NPLOC4: variants seen among roughly 807,000 people sequenced by gnomAD.
NPLOC4 encodes the protein nuclear protein localization protein 4 homolog.
NPLOC4 carries 18 observed loss-of-function variants against 80.6 expected under a neutral mutation model. That is an observed-to-expected ratio of 0.22 (90% CI 0.15 to 0.33). The LOEUF is 0.33. Among genes scored for constraint, NPLOC4 ranks in the 10% least tolerant of loss-of-function variants. The pLI, the probability that NPLOC4 is intolerant of heterozygous loss-of-function variation, is 1.00. For missense variants in NPLOC4, 540 were observed against 786.1 expected, an observed-to-expected ratio of 0.69 and a Z score of 3.74; for synonymous variants, 313 against 301.5, an observed-to-expected ratio of 1.04 and a Z score of -0.39.
chr17:81,617,869 C>T (rs1425835994), intron 3 of NPLOC4, among the ~76,000 whole-genome samples: 3 of 152,166 alleles, frequency 2.0e-5, no homozygotes, highest in South Asian at 2.1e-4. Context: ...CTGTGTTGGC[C>T]GGGCTGGTCT....
rs1047602298 is a variant in NPLOC4, at chr17:81,559,144, T to C, written c.*115A>G. On this transcript the variant is annotated 3_prime_UTR_variant, in exon 17 of 17. Coordinates refer to ENST00000331134, the MANE Select transcript of NPLOC4 (RefSeq NM_017921.4). Reference sequence around the variant, plus strand: ...CAGGGAGCCCAGGACAGCCAGCCCCTTGTTCCTCCAGGGCTGCCCACTATG... The same window carrying C: ...CAGGGAGCCCAGGACAGCCAGCCCCCTGTTCCTCCAGGGCTGCCCACTATG... 2.1e-5 allele frequency: 26 copies of C among 1,222,218 alleles called. No individual in the cohort carries two copies. The highest frequency in any genetic ancestry group is 4.6e-5 in the African/African-American group (3 of 65,488). 75.7% of individuals were successfully genotyped at this position (1,222,218 alleles called of 1,614,324 possible). A position where few individuals can be genotyped will look rare whatever the true frequency, so the allele number is the denominator to read the frequency against.
chr17:81,581,375 A>AAAAAGTC lies in NPLOC4; in HGVS notation c.1281+7568_1281+7569insGACTTTT, dbSNP rs1555680405. 5.3e-3 allele frequency among the ~76,000 whole-genome samples: 384 copies of AAAAAGTC among 72,852 alleles called. 112 individuals are homozygous for AAAAAGTC. The highest frequency in any genetic ancestry group is 0.011 in the South Asian group (27 of 2,400). The allele number at this position is 72,852 out of a possible 152,430, so 47.8% of individuals were successfully genotyped here. ...AAAAAAAAAAAAAAAAAAAAAAAAA[A>AAAAAGTC]AGTTAATAAAATCACCATGTCACAA... On this transcript the variant is annotated intron_variant, in intron 12 of 16. Coordinates refer to ENST00000331134, the MANE Select transcript of NPLOC4 (RefSeq NM_017921.4).
intron 2 of NPLOC4, among the ~76,000 whole-genome samples, chr17:81,628,670 TG>T (rs1007955982): frequency 6.2e-4 from 95 of 152,236 alleles, no homozygotes; most frequent in African/African-American, 2.2e-3. Context: ...AGAAATAGTC[TG>T]GGGGAATCCA....
rs1173962484 is a variant in NPLOC4 at position 81,613,446 on chromosome 17, T to C, written c.258A>G (p.Ser86=). 1.2e-6 allele frequency: 2 copies of C among 1,613,952 alleles called. No homozygotes were observed. Among genetic ancestry groups the C allele is most frequent in the Non-Finnish European group, 1.7e-6 (2 of 1,179,888 alleles). The change falls in exon 4 of 17, where the codon TCA becomes TCG. Residue 86 remains serine, a synonymous_variant. Coordinates refer to ENST00000331134, the MANE Select transcript of NPLOC4 (RefSeq NM_017921.4). ...FLFPSSLAGP[S]SEMETSVPPG... is the part of the protein sequence containing the mutation. The stretch of plus-strand genomic sequence containing the variant: ...GTGGAACTGACGTCTCCATTTCAGA[T>C]GAGGGCCCAGCAAGGCTCGAGGGAA...
chr17:81,615,981 C>T (rs915951401), intron 3 of NPLOC4, among the ~76,000 whole-genome samples: 2 of 152,214 alleles, frequency 1.3e-5, no homozygotes, highest in Non-Finnish European at 2.9e-5. Context: ...GTCCATCACA[C>T]CCCCCTGTGC....
chr17:81,588,638 A>T (rs774893302), intron 12 of NPLOC4, among the ~76,000 whole-genome samples: 1 of 152,228 alleles, frequency 6.6e-6, no homozygotes, highest in Non-Finnish European at 1.5e-5. Context: ...ATGAGCCACC[A>T]TGCCAAGGAC....
intron 2 of NPLOC4, among the ~76,000 whole-genome samples, chr17:81,625,755 A>G (rs1309374753): frequency 6.6e-6 from 1 of 151,658 alleles, no homozygotes; most frequent in East Asian, 1.9e-4. Context: ...AACATAAATG[A>G]ATCAATAAAA....
intron 12 of NPLOC4, among the ~76,000 whole-genome samples, chr17:81,586,083 G>A (rs984811350): frequency 3.9e-5 from 6 of 152,048 alleles, no homozygotes; most frequent in Non-Finnish European, 7.4e-5. Context: ...TCAGGAGTTC[G>A]AGACCAGCCT....
At chr17:81,601,000 A>G (rs2035044574) in intron 8 of NPLOC4, among the ~76,000 whole-genome samples, 1 of 152,234 alleles carries the variant, frequency 6.6e-6, no homozygotes, top group Non-Finnish European at 1.5e-5. Flanking sequence ...AAGGTGTTCA[A>G]AAATCAACCA....
rs928258330 is a variant in NPLOC4 at position 81,589,235 on chromosome 17, A to C, written c.1121-131T>G. The stretch of plus-strand genomic sequence containing the variant: ...AGTTTGTCGGGGGTAAGAGTTAAAA[A>C]ATGTTCAGTAGTCGGCCGGGTGCGG... On this transcript the variant is annotated intron_variant, in intron 11 of 16. Coordinates refer to ENST00000331134, the MANE Select transcript of NPLOC4 (RefSeq NM_017921.4). 7.7e-6 allele frequency: 6 copies of C among 778,246 alleles called. No homozygotes were observed. The African/African-American group carries it at 8.8e-5, about 11-fold the overall frequency. 48.2% of individuals were successfully genotyped at this position (778,246 alleles called of 1,614,324 possible).
chr17:81,567,616 G>A lies in NPLOC4; in HGVS notation c.1450-83C>T, dbSNP rs1478756596. ...AAACAGAGCTGTTTCCTACTAAGAC[G>A]CAACTCAATACACTGAATGCTGAGA... On this transcript the variant is annotated intron_variant, in intron 14 of 16. Transcript: ENST00000331134. The surrounding 1 kb of genome is among the most constrained non-coding windows in gnomAD (Gnocchi z 4.5). 1.3e-6 allele frequency: 1 copy of A among 794,908 alleles called. No individual in the cohort carries two copies. Among genetic ancestry groups the A allele is most frequent in the African/African-American group, 1.7e-5 (1 of 58,854 alleles). 49.2% of individuals were successfully genotyped at this position (794,908 alleles called of 1,614,324 possible). A position where few individuals can be genotyped will look rare whatever the true frequency, so the allele number is the denominator to read the frequency against.
intron 2 of NPLOC4, 145 bp from the exon 3 acceptor site, chr17:81,622,423 T>C (rs2035693566): frequency 1.5e-6 from 1 of 684,264 alleles, no homozygotes; most frequent in African/African-American, 1.8e-5. Flanking sequence ...TATTTTGCTC[T>C]TTTAAAGAAA....
intron 12 of NPLOC4, among the ~76,000 whole-genome samples, chr17:81,582,053 A>G (rs2144107577): frequency 6.6e-6 from 1 of 152,300 alleles, no homozygotes; most frequent in East Asian, 1.9e-4. Flanking sequence ...TGTACCAAAG[A>G]ACACCCGAGG....
chr17:81,592,936 T>C (rs923318057), intron 11 of NPLOC4, among the ~76,000 whole-genome samples: 1 of 152,174 alleles, frequency 6.6e-6, no homozygotes, highest in African/African-American at 2.4e-5. Context: ...TGAGCCAAGA[T>C]TGTGCCATGG....
intron 12 of NPLOC4, among the ~76,000 whole-genome samples, chr17:81,576,687 A>G (rs566027013): frequency 3.9e-5 from 6 of 152,358 alleles, no homozygotes; most frequent in African/African-American, 1.4e-4. Context: ...GTTAATATAC[A>G]AAGACCTCAC....
Position 81,557,713 on chromosome 17 carries a change from C to T in NPLOC4, c.*1546G>A, listed in dbSNP as rs1261223757. ...GTGGGCAAGCTGGGAGTTGCATCCG[C>T]AGCAGTCCGCTTCAACCCAGCTCCT... On this transcript the variant is annotated 3_prime_UTR_variant, in exon 17 of 17. Transcript: ENST00000331134. The T allele has an allele frequency of 6.6e-6, 1 of 152,348 alleles. No individual in the cohort carries two copies. The highest frequency in any genetic ancestry group is 1.9e-4 in the East Asian group (1 of 5,206). The allele number at this position is 152,348 out of a possible 1,614,324, so 9.4% of individuals were successfully genotyped here. A position where few individuals can be genotyped will look rare whatever the true frequency, so the allele number is the denominator to read the frequency against.
At chr17:81,625,923 C>A (rs1475602236) in intron 2 of NPLOC4, among the ~76,000 whole-genome samples, 1 of 151,874 alleles carries the variant, frequency 6.6e-6, no homozygotes, top group Admixed American at 6.6e-5. Context: ...CCGAGTTGGG[C>A]AGATCACCTG....
intron 2 of NPLOC4, among the ~76,000 whole-genome samples, chr17:81,623,769 G>C (rs907848830): frequency 1.3e-5 from 2 of 150,590 alleles, no homozygotes; most frequent in Non-Finnish European, 2.9e-5. Context: ...CTGCACTCCA[G>C]CCAGGACGAC....
intron 7 of NPLOC4, among the ~76,000 whole-genome samples, chr17:81,605,723 G>C (rs2035184906): frequency 6.6e-6 from 1 of 152,090 alleles, no homozygotes; most frequent in East Asian, 1.9e-4. Context: ...TAGGAGGATG[G>C]AGATGGGTTT....
Sources: gnomAD v4.1 joint callset for allele counts (sites outside exome capture counted in the v4.1 genomes callset) on GRCh38, gnomAD v4.1.1 for gene constraint, Gnocchi (gnomAD v3.1) non-coding constraint, MANE v1.5 for transcripts, NCBI Gene and HGNC (gene_info 2026-07-23, HGNC 2026-07-21) for gene names.